SGK3: variants seen among roughly 807,000 people sequenced by gnomAD.
SGK3 encodes the protein serum/glucocorticoid regulated kinase family member 3.
In SGK3, 47 loss-of-function variants were observed where a neutral mutation model predicts 68.5. The ratio of observed to expected loss-of-function variants is 0.69; its 90% CI spans 0.54 to 0.87. The LOEUF (loss-of-function observed/expected upper bound fraction) is 0.87, where lower values mean the gene tolerates loss of function less well. Ranked by LOEUF, SGK3 falls within the 40% of genes least tolerant of loss-of-function variation. The probability of loss-of-function intolerance (pLI) is 0.00; values close to 1 mark genes in which losing one functional copy is unlikely to be tolerated. For missense variants in SGK3, 479 were observed against 575.5 expected (o/e 0.83, Z 1.72); for synonymous variants, 181 against 189.1 (o/e 0.96, Z 0.35).
rs57985306 is a variant in SGK3 at position 66,755,258 on chromosome 8, C to CAAAA, written c.-121-38346_-121-38343dup. ...CGGGGGACAGAGTGAGACTCCATCT[C>CAAAA]AAAAAAAAAAAAAAACGAAAAACAG... On this transcript the variant is annotated intron_variant, in intron 1 of 16. Coordinates refer to ENST00000521198, the MANE Select transcript of SGK3 (RefSeq NM_001033578.3). Among the ~76,000 whole-genome samples the CAAAA allele has an allele frequency of 3.8e-4, 33 of 87,022 alleles. 1 individual carries two copies. Among genetic ancestry groups the CAAAA allele is most frequent in the Admixed American group, 9.3e-4 (7 of 7,506 alleles). 57.1% of individuals were successfully genotyped at this position (87,022 alleles called of 152,430 possible).
intron 1 of SGK3, among the ~76,000 whole-genome samples, chr8:66,723,730 C>T (rs1025790031): frequency 1.3e-5 from 2 of 152,180 alleles, no homozygotes; most frequent in African/African-American, 4.8e-5. Flanking sequence ...TAGGCATGAA[C>T]CACTTTGCCC....
In SGK3 at chr8:66,843,815, G is replaced by A. The variant is rs561192641; in HGVS notation, c.1074+268G>A. ...TCGAGACCAGCCTATGCAACGTGGC[G>A]AAATCCCATCTCTACTAAAAATACA... On this transcript the variant is annotated intron_variant, in intron 14 of 16. Coordinates refer to ENST00000521198, the MANE Select transcript of SGK3 (RefSeq NM_001033578.3). Among the ~76,000 whole-genome samples the A allele has an allele frequency of 1.1e-3, 161 of 152,102 alleles. 2 individuals carry two copies. The highest frequency in any genetic ancestry group is 6.8e-3 in the Middle Eastern group (2 of 294).
At chr8:66,780,860 C>T (rs1380696681) in intron 1 of SGK3, among the ~76,000 whole-genome samples, 2 of 152,042 alleles carry the variant, frequency 1.3e-5, no homozygotes, top group Non-Finnish European at 2.9e-5. Context: ...GGTCTGGCTA[C>T]TGGGGAAAAA....
chr8:66,729,571 A>T (rs1427135156), intron 1 of SGK3, among the ~76,000 whole-genome samples: 3 of 152,144 alleles, frequency 2.0e-5, no homozygotes, highest in African/African-American at 7.2e-5. Context: ...TATTACATAT[A>T]ATACTGCTAT....
chr8:66,857,799 A>ATTTGTG (rs1180961155), intron 16 of SGK3, among the ~76,000 whole-genome samples: 1 of 133,716 alleles, frequency 7.5e-6, no homozygotes, highest in African/African-American at 2.7e-5. Context: ...GTGTGTGTGT[A>ATTTGTG]TGTGTGTGTG....
At chr8:66,725,488 T>C (rs1804959052) in intron 1 of SGK3, among the ~76,000 whole-genome samples, 1 of 151,672 alleles carries the variant, frequency 6.6e-6, no homozygotes. Flanking sequence ...GACTTCTCAC[T>C]ATTTTTTTTT....
At chr8:66,837,775 C>T (rs1005223842) in intron 10 of SGK3, among the ~76,000 whole-genome samples, 1 of 151,918 alleles carries the variant, frequency 6.6e-6, no homozygotes, top group Non-Finnish European at 1.5e-5. Flanking sequence ...CAGAACAAGA[C>T]CCTGTGTCAA....
chr8:66,758,719 TTG>T (rs1180555036), intron 1 of SGK3, among the ~76,000 whole-genome samples: 2 of 152,170 alleles, frequency 1.3e-5, no homozygotes, highest in African/African-American at 4.8e-5. Flanking sequence ...TCTTGCTATA[TTG>T]TCCAGGCTGG....
chr8:66,845,253 G>C (rs1206375739), intron 14 of SGK3, among the ~76,000 whole-genome samples: 2 of 151,984 alleles, frequency 1.3e-5, no homozygotes, highest in Non-Finnish European at 2.9e-5. Flanking sequence ...ACAAAAACTA[G>C]CCTGGCACAG....
chr8:66,768,984 C>T (rs1321852089), intron 1 of SGK3, among the ~76,000 whole-genome samples: 1 of 152,078 alleles, frequency 6.6e-6, no homozygotes, highest in Non-Finnish European at 1.5e-5. Flanking sequence ...GTTTTTAGTA[C>T]TTTTATTGTG....
chr8:66,759,493 A>G (rs1310617619), intron 1 of SGK3, among the ~76,000 whole-genome samples: 1 of 149,818 alleles, frequency 6.7e-6, no homozygotes. Flanking sequence ...GTGCACTGGC[A>G]TGATCTTGGC....
intron 12 of SGK3, 79 bp downstream of exon 12, chr8:66,840,326 A>T (rs1354742517): frequency 7.5e-7 from 1 of 1,333,576 alleles, no homozygotes; most frequent in Non-Finnish European, 1.0e-6. Context: ...AAAGTCTCAG[A>T]GATTCTGTAC....
chr8:66,754,355 A>G (rs1805911319), intron 1 of SGK3, among the ~76,000 whole-genome samples: 1 of 152,182 alleles, frequency 6.6e-6, no homozygotes, highest in Non-Finnish European at 1.5e-5. Context: ...TTGCTAATTA[A>G]TGATTGAGAC....
chr8:66,855,788 A>T (rs1810485982), intron 16 of SGK3, among the ~76,000 whole-genome samples: 1 of 152,188 alleles, frequency 6.6e-6, no homozygotes, highest in Admixed American at 6.5e-5. Flanking sequence ...AAACCATAAC[A>T]GGTTACCATT....
At chr8:66,720,653 C>T (rs1419472289) in intron 1 of SGK3, among the ~76,000 whole-genome samples, 1 of 151,730 alleles carries the variant, frequency 6.6e-6, no homozygotes, top group Admixed American at 6.6e-5. Flanking sequence ...GCCTGTAATC[C>T]CAGCTTCTTG....
intron 1 of SGK3, among the ~76,000 whole-genome samples, chr8:66,793,074 GACCAGAGGTTCAGT>G (rs1259076951): frequency 6.6e-6 from 1 of 152,162 alleles, no homozygotes; most frequent in Admixed American, 6.5e-5. Flanking sequence ...TAGTGTCTCT[GACCAGAGGTTCAGT>G]ACAAAAGAAT....
rs922974165 is a variant in SGK3, at chr8:66,798,591, G to A, written c.146G>A (p.Arg49Lys). 6.2e-7 allele frequency: 1 copy of A among 1,611,660 alleles called. No individual in the cohort carries two copies. Among genetic ancestry groups the A allele is most frequent in the Non-Finnish European group, 8.5e-7 (1 of 1,178,838 alleles). The change falls in exon 3 of 17, where the codon AGG becomes AAG. Residue 49 changes from arginine (R) to lysine (K), a missense_variant. This residue lies in a region of SGK3 where 298 missense variants were observed against 329.4 expected (regional missense o/e 0.90). Coordinates refer to ENST00000521198, the MANE Select transcript of SGK3 (RefSeq NM_001033578.3). ...GGAAGAAGTGAATGGTTTGTCTTCA[G>A]GAGATATGCAGAGTTTGATAAACTT... ...SVGRSEWFVF[R>K]RYAEFDKLYN...
At chr8:66,784,913 A>G (rs1807138567) in intron 1 of SGK3, among the ~76,000 whole-genome samples, 1 of 152,122 alleles carries the variant, frequency 6.6e-6, no homozygotes, top group African/African-American at 2.4e-5. Context: ...TGTATCCTTG[A>G]TAGTGTCTTT....
intron 4 of SGK3, among the ~76,000 whole-genome samples, chr8:66,811,898 C>CT (rs1207007280): frequency 6.6e-6 from 1 of 152,140 alleles, no homozygotes; most frequent in Non-Finnish European, 1.5e-5. Context: ...GCTTTGCTAC[C>CT]TAGTGACATT....
Sources: allele counts gnomAD v4.1 joint callset (sites outside exome capture counted in the v4.1 genomes callset), GRCh38; gene constraint gnomAD v4.1.1; regional missense constraint gnomAD v4.1.1; transcripts MANE v1.5; gene names NCBI Gene and HGNC (gene_info 2026-07-23, HGNC 2026-07-21).